Variants in METTL8 observed in about 807,000 individuals in gnomAD.
METTL8 encodes tRNA N(3)-cytidine methyltransferase METTL8, mitochondrial.
Under a neutral mutation model 48.7 loss-of-function variants are expected in METTL8, and 32 were observed. The ratio of observed to expected loss-of-function variants is 0.66; its 90% CI spans 0.50 to 0.88. The LOEUF (loss-of-function observed/expected upper bound fraction) is 0.88. METTL8 is among the 40% of genes least tolerant of loss of function. METTL8 has a pLI of 0.00. For missense variants in METTL8, 464 were observed against 474.4 expected, an observed-to-expected ratio of 0.98 and a Z score of 0.20; for synonymous variants, 136 against 157.1, an observed-to-expected ratio of 0.87 and a Z score of 1.01.
In METTL8 at chr2:171,326,043, CT is replaced by C. The variant is rs1684918324; in HGVS notation, c.965del (p.Lys322ArgfsTer35). The C allele has an allele frequency of 1.3e-6, 2 of 1,513,780 alleles. No homozygotes were observed. The highest frequency in any genetic ancestry group is 1.8e-6 in the Non-Finnish European group (2 of 1,115,282). 93.8% of individuals were successfully genotyped at this position (1,513,780 alleles called of 1,614,324 possible). A position where few individuals can be genotyped will look rare whatever the true frequency, so the allele number is the denominator to read the frequency against. ...RYDKTQLRFK[K>X]GHCLSENFYV... ...ACCTCAAACTGAATATACTATTACC[CT>C]TTTTAAAACGAAGCTGAGTCTTATC... is the stretch of plus-strand genomic sequence containing the variant. On this transcript the variant is annotated frameshift_variant and splice_region_variant, in exon 8 of 10. Coordinates refer to ENST00000375258, the MANE Select transcript of METTL8 (RefSeq NM_001321154.2). LOFTEE classifies it high-confidence loss of function.
chr2:171,355,784 C>A (rs1422332351), intron 3 of METTL8, among the ~76,000 whole-genome samples: 3 of 152,226 alleles, frequency 2.0e-5, no homozygotes, highest in African/African-American at 4.8e-5. Context: ...TTGATATAAT[C>A]TCCTGGTGCG....
chr2:171,424,312 C>T (rs577538410), intron 1 of METTL8, among the ~76,000 whole-genome samples: 81 of 152,312 alleles, frequency 5.3e-4, no homozygotes, highest in Non-Finnish European at 1.5e-4. Flanking sequence ...TACTGGGACA[C>T]TGCCTAGTGG....
intron 7 of METTL8, among the ~76,000 whole-genome samples, chr2:171,329,705 T>G (rs376827482): frequency 6.6e-6 from 1 of 152,228 alleles, no homozygotes; most frequent in Non-Finnish European, 1.5e-5. Flanking sequence ...TAAAGGGTCC[T>G]AGTGGCCTTT....
chr2:171,339,084 G>C, intron 4 of METTL8, 100 bp downstream of exon 4: 10 of 1,060,544 alleles, frequency 9.4e-6, no homozygotes, highest in Non-Finnish European at 1.3e-5. Context: ...ACATTTGATA[G>C]TTTTCCACCA....
chr2:171,423,380 T>A (rs1313700857), intron 1 of METTL8, among the ~76,000 whole-genome samples: 1 of 152,150 alleles, frequency 6.6e-6, no homozygotes, highest in East Asian at 1.9e-4. Context: ...AGGTTGGAAC[T>A]GTTTGGAGGG....
At chr2:171,375,396 C>T (rs879725481) in intron 2 of METTL8, 5 of 616,008 alleles carry the variant, frequency 8.1e-6, no homozygotes, top group Non-Finnish European at 1.2e-5. Flanking sequence ...AAGTTGTATT[C>T]CAAAATGGTT....
intron 2 of METTL8, among the ~76,000 whole-genome samples, chr2:171,365,513 C>T (rs776148454): frequency 2.2e-4 from 34 of 152,136 alleles, no homozygotes; most frequent in Non-Finnish European, 4.3e-4. Context: ...ATGCTCTGGT[C>T]CCCTGGACCC....
At chr2:171,414,608 G>A (rs1691105092) in intron 1 of METTL8, 1 of 151,010 alleles carries the variant, frequency 6.6e-6, no homozygotes, top group Admixed American at 6.6e-5. Flanking sequence ...TGTACCTGTG[G>A]TCCCAGCTTC....
At chr2:171,342,407 A>C (rs1686867578) in intron 3 of METTL8, among the ~76,000 whole-genome samples, 1 of 152,212 alleles carries the variant, frequency 6.6e-6, no homozygotes, top group South Asian at 2.1e-4. Context: ...GGTTGATCTG[A>C]AACTATATAT....
intron 3 of METTL8, among the ~76,000 whole-genome samples, chr2:171,351,713 C>T (rs867437824): frequency 2.0e-5 from 3 of 152,222 alleles, no homozygotes; most frequent in African/African-American, 7.2e-5. Flanking sequence ...GTATTTTATT[C>T]TCTTTGAAGC....
chr2:171,347,700 G>C (rs1044213001), intron 3 of METTL8, among the ~76,000 whole-genome samples: 2 of 152,210 alleles, frequency 1.3e-5, no homozygotes, highest in Non-Finnish European at 2.9e-5. Flanking sequence ...TGGAAAATAT[G>C]TCTGTGCAGC....
At chr2:171,423,667 C>T (rs971070832) in intron 1 of METTL8, among the ~76,000 whole-genome samples, 7 of 152,118 alleles carry the variant, frequency 4.6e-5, no homozygotes, top group African/African-American at 1.7e-4. Context: ...GAACTTTGAA[C>T]TTGAGAGAGA....
chr2:171,366,671 G>T (rs1347794529), intron 2 of METTL8, among the ~76,000 whole-genome samples: 2 of 152,086 alleles, frequency 1.3e-5, no homozygotes, highest in Non-Finnish European at 2.9e-5. Flanking sequence ...AGAAAAAAAT[G>T]AAAACTTCTT....
At chr2:171,336,863 C>CTTTTTT (rs71013037) in intron 5 of METTL8, among the ~76,000 whole-genome samples, 29 of 88,112 alleles carry the variant, frequency 3.3e-4, no homozygotes, top group African/African-American at 4.5e-4. Flanking sequence ...ATCACTTCCT[C>CTTTTTT]TTTTTTTTTT....
intron 1 of METTL8, among the ~76,000 whole-genome samples, chr2:171,407,345 G>T (rs775356019): frequency 6.6e-6 from 1 of 151,940 alleles, no homozygotes; most frequent in Non-Finnish European, 1.5e-5. Context: ...AAGCGGGGGG[G>T]AAATGGAAAG....
Position 171,339,469 on chromosome 2 carries a change from C to T in METTL8, c.321G>A (p.Leu107=). The T allele has an allele frequency of 6.2e-7, 1 of 1,613,612 alleles. No individual in the cohort carries two copies. ...KNKFFKDRNW[L]LREFPEILPV... Reference sequence around the variant, plus strand: ...GAAGAATTTCAGGAAATTCCCTCAACAGCCAATTACGATCCTTGAAAAACT... The same window carrying T: ...GAAGAATTTCAGGAAATTCCCTCAATAGCCAATTACGATCCTTGAAAAACT... The change falls in exon 4 of 10, where the codon CTG becomes CTA. Residue 107 remains leucine (L), a synonymous_variant. Coordinates refer to ENST00000375258, the MANE Select transcript of METTL8 (RefSeq NM_001321154.2).
intron 1 of METTL8, among the ~76,000 whole-genome samples, chr2:171,425,813 T>C (rs1400705194): frequency 6.6e-6 from 1 of 152,232 alleles, no homozygotes; most frequent in African/African-American, 2.4e-5. Context: ...CTTTAACGTG[T>C]GCCAGGAGAC....
rs1559067072 is a variant in METTL8 at position 171,339,211 on chromosome 2, A to G, written c.579T>C (p.Gly193=). The G allele has an allele frequency of 7.7e-6, 12 of 1,551,072 alleles. No homozygotes were observed. Among genetic ancestry groups the G allele is most frequent in the Non-Finnish European group, 1.0e-5 (12 of 1,147,608 alleles). Reference sequence around the variant, plus strand: ...CTAGTATCCTGAAAGTGGCATTGCTACCAGGAAACAATCCAGTCTCCATAG... The same window carrying G: ...CTAGTATCCTGAAAGTGGCATTGCTGCCAGGAAACAATCCAGTCTCCATAG... ...KGPMETGLFP[G]SNATFRILEV... is the part of the protein sequence containing the mutation. Residue 193 remains glycine (G), a synonymous_variant, in exon 4 of 10, where the codon GGT becomes GGC. Coordinates refer to ENST00000375258, the MANE Select transcript of METTL8 (RefSeq NM_001321154.2).
chr2:171,335,644 C>G (rs1031732084), intron 5 of METTL8, among the ~76,000 whole-genome samples: 1 of 152,112 alleles, frequency 6.6e-6, no homozygotes, highest in Non-Finnish European at 1.5e-5. Flanking sequence ...AGGCTGGTCT[C>G]AAACTCCTGA....
Sources: gnomAD v4.1 joint callset for allele counts (sites outside exome capture counted in the v4.1 genomes callset) on GRCh38, gnomAD v4.1.1 for gene constraint, MANE v1.5 for transcripts, NCBI Gene and HGNC (gene_info 2026-07-23, HGNC 2026-07-21) for gene names.